LOC112694756: variants seen among roughly 807,000 people sequenced by gnomAD.
the LOC112694756 span, among the ~76,000 whole-genome samples, chr16:30,061,360 C>T: frequency 6.6e-6 from 1 of 152,164 alleles, no homozygotes; most frequent in Non-Finnish European, 1.5e-5. Flanking sequence ...ATCTCAGACA[C>T]CTGCTGAGCA....
At chr16:30,068,886 T>A in the LOC112694756 span, 2 of 1,614,228 alleles carry the variant, frequency 1.2e-6, no homozygotes, top group Non-Finnish European at 1.7e-6. Flanking sequence ...CAAGTGGCGT[T>A]GTGTGCTGAA....
the LOC112694756 span, among the ~76,000 whole-genome samples, chr16:30,066,527 C>T: frequency 6.6e-5 from 10 of 152,242 alleles, no homozygotes; most frequent in Non-Finnish European, 1.0e-4. Flanking sequence ...GCTTTCCTCG[C>T]CTCGGGCTAG....
chr16:30,059,602 G>A, the LOC112694756 span, among the ~76,000 whole-genome samples: 1 of 148,236 alleles, frequency 6.7e-6, no homozygotes, highest in Non-Finnish European at 1.5e-5. Context: ...TCCCTCTGTT[G>A]CCCAGGCTGG....
chr16:30,062,372 C>CA, the LOC112694756 span, among the ~76,000 whole-genome samples: 1 of 150,196 alleles, frequency 6.7e-6, no homozygotes, highest in African/African-American at 2.5e-5. Context: ...CAAAAAAATA[C>CA]AAAAAATGAA....
At chr16:30,067,372 G>A in the LOC112694756 span, 1 of 1,614,072 alleles carries the variant, frequency 6.2e-7, no homozygotes, top group Non-Finnish European at 8.5e-7. Context: ...CACTGGTGCG[G>A]GCAGGAGACA....
chr16:30,055,186 C>A, the LOC112694756 span: 1 of 399,398 alleles, frequency 2.5e-6, no homozygotes, highest in Non-Finnish European at 4.4e-6. Flanking sequence ...AGGGCTGCTG[C>A]GCGGACGGTA....
chr16:30,067,253 C>T, the LOC112694756 span: 6 of 1,612,298 alleles, frequency 3.7e-6, no homozygotes, highest in Non-Finnish European at 5.1e-6. Context: ...ACTACCAGCA[C>T]CATGCCCTAC....
the LOC112694756 span, chr16:30,067,891 G>C: frequency 3.4e-6 from 2 of 596,396 alleles, no homozygotes; most frequent in East Asian, 3.0e-5. Context: ...GAAGTGTTTT[G>C]CTCAGAGTAA....
At chr16:30,067,217 C>G in the LOC112694756 span, 3 of 1,612,182 alleles carry the variant, frequency 1.9e-6, no homozygotes, top group South Asian at 1.1e-5. Flanking sequence ...TCCTTCCCCT[C>G]TGTTTCCTGT....
chr16:30,068,221 C>T, the LOC112694756 span: 1 of 321,334 alleles, frequency 3.1e-6, no homozygotes, highest in African/African-American at 2.2e-5. Context: ...CCCGCCACCA[C>T]CCGGCTAATT....
the LOC112694756 span, chr16:30,064,473 G>T: frequency 2.5e-6 from 1 of 398,720 alleles, no homozygotes. Context: ...CCTCCGTCTG[G>T]ATTTCCAAGG....
the LOC112694756 span, chr16:30,063,722 C>T: frequency 2.5e-6 from 1 of 399,338 alleles, no homozygotes; most frequent in Admixed American, 4.4e-5. Context: ...TCTCTCTCCT[C>T]CCTCAGGACT....
At chr16:30,059,693 G>C in the LOC112694756 span, among the ~76,000 whole-genome samples, 1 of 151,436 alleles carries the variant, frequency 6.6e-6, no homozygotes, top group Non-Finnish European at 1.5e-5. Flanking sequence ...CTCCCAAGTA[G>C]CTGAGATTAC....
the LOC112694756 span, chr16:30,064,813 T>G: frequency 1.6e-4 from 22 of 133,336 alleles, no homozygotes; most frequent in South Asian, 2.9e-4. Flanking sequence ...CGGGCCGGGG[T>G]GGGGATGGGG....
the LOC112694756 span, chr16:30,070,288 C>A: frequency 6.8e-7 from 1 of 1,461,712 alleles, no homozygotes; most frequent in Non-Finnish European, 9.6e-7. Context: ...GCCGCCTCCT[C>A]GGGGCTCCAG....
At chr16:30,067,269 T>C in the LOC112694756 span, 4 of 1,612,342 alleles carry the variant, frequency 2.5e-6, no homozygotes, top group South Asian at 2.2e-5. Context: ...CCTACCAATA[T>C]CCAGCACTGA....
the LOC112694756 span, among the ~76,000 whole-genome samples, chr16:30,061,205 C>T: frequency 6.6e-6 from 1 of 152,268 alleles, no homozygotes; most frequent in South Asian, 2.1e-4. Flanking sequence ...GTTCTCCCTT[C>T]TTGTCTCTAA....
chr16:30,064,071 G>C, the LOC112694756 span: 1 of 399,404 alleles, frequency 2.5e-6, no homozygotes, highest in Admixed American at 4.4e-5. Flanking sequence ...CTAGTGCTCG[G>C]GCAGGTGCCC....
chr16:30,057,385 G>C, the LOC112694756 span, among the ~76,000 whole-genome samples: 1 of 152,198 alleles, frequency 6.6e-6, no homozygotes, highest in Non-Finnish European at 1.5e-5. Context: ...TAGCTCCACA[G>C]CGTTAGCTGA....
Sources: gnomAD v4.1 joint callset for allele counts (sites outside exome capture counted in the v4.1 genomes callset) on GRCh38, gnomAD v4.1.1 for gene constraint, MANE v1.5 for transcripts.